ERC2: variants seen among roughly 807,000 people sequenced by gnomAD.
The protein encoded by ERC2 is ERC protein 2.
Under a neutral mutation model 114.8 loss-of-function variants are expected in ERC2, and 42 were observed. That is an observed-to-expected ratio of 0.37 (90% CI 0.29 to 0.47). The LOEUF (loss-of-function observed/expected upper bound fraction) is 0.47, where lower values mean the gene tolerates loss of function less well. Among genes scored for constraint, ERC2 ranks in the 20% least tolerant of loss-of-function variants. ERC2 has a pLI of 0.99. For missense variants in ERC2, 939 were observed against 1,150.7 expected (o/e 0.82, Z 2.66); for synonymous variants, 454 against 425.5 (o/e 1.07, Z -0.82).
intron 2 of ERC2, among the ~76,000 whole-genome samples, chr3:56,385,615 T>G (rs1007926763): frequency 1.3e-5 from 2 of 152,162 alleles, no homozygotes; most frequent in Admixed American, 1.3e-4. Flanking sequence ...TATTGAAATC[T>G]CTACATAAAA....
intron 7 of ERC2, among the ~76,000 whole-genome samples, chr3:56,043,612 A>C (rs936820253): frequency 1.3e-5 from 2 of 152,214 alleles, no homozygotes; most frequent in Non-Finnish European, 2.9e-5. Context: ...AACCACATGC[A>C]AATGACTGAT....
intron 2 of ERC2, among the ~76,000 whole-genome samples, chr3:56,389,326 C>T (rs1195284858): frequency 6.6e-6 from 1 of 152,102 alleles, no homozygotes; most frequent in Admixed American, 6.6e-5. Context: ...CAGAGAAAAG[C>T]CAGACTCACT....
In ERC2 at chr3:55,866,294, A is replaced by G. The variant is rs145705302; in HGVS notation, c.2564+22095T>C. On this transcript the variant is annotated intron_variant, in intron 14 of 17. Coordinates refer to ENST00000288221, the MANE Select transcript of ERC2 (RefSeq NM_015576.3). ...TATTCAAATCCCTTGCCCATTATAA[A>G]ATAAGGTTATTTGAGTTTTTATTGT... is the stretch of plus-strand genomic sequence containing the variant. 3.6e-3 allele frequency among the ~76,000 whole-genome samples: 546 copies of G among 152,298 alleles called. 3 individuals carry two copies. Among genetic ancestry groups the G allele is most frequent in the African/African-American group, 0.012 (517 of 41,578 alleles).
chr3:56,031,855 G>A (rs1333130056), intron 7 of ERC2, among the ~76,000 whole-genome samples: 1 of 152,160 alleles, frequency 6.6e-6, no homozygotes, highest in Non-Finnish European at 1.5e-5. Context: ...ATTCCACTGG[G>A]ATTTTTGGTA....
At chr3:56,257,888 C>T (rs2052626541) in intron 3 of ERC2, among the ~76,000 whole-genome samples, 2 of 152,198 alleles carry the variant, frequency 1.3e-5, no homozygotes, top group African/African-American at 2.4e-5. Context: ...TTGGAGACAT[C>T]ATGTCACAGT....
intron 3 of ERC2, among the ~76,000 whole-genome samples, chr3:56,280,313 G>C (rs1280195938): frequency 2.6e-5 from 4 of 152,174 alleles, no homozygotes; most frequent in Non-Finnish European, 4.4e-5. Flanking sequence ...TCACACTTCT[G>C]ATCCCCAGGA....
At chr3:56,285,161 G>A (rs971128502) in intron 3 of ERC2, among the ~76,000 whole-genome samples, 2 of 146,610 alleles carry the variant, frequency 1.4e-5, no homozygotes, top group South Asian at 2.2e-4. Context: ...GTCAGACTCC[G>A]GGTGAAGAAG....
intron 17 of ERC2, among the ~76,000 whole-genome samples, chr3:55,551,778 G>A (rs553175869): frequency 6.6e-5 from 10 of 152,168 alleles, no homozygotes; most frequent in South Asian, 2.1e-4. Flanking sequence ...TGCTAAACTC[G>A]TCCAAAAAAA....
intron 17 of ERC2, among the ~76,000 whole-genome samples, chr3:55,654,284 T>C (rs987475264): frequency 1.2e-4 from 18 of 152,348 alleles, no homozygotes; most frequent in Non-Finnish European, 2.5e-4. Flanking sequence ...GAAGGTGCAC[T>C]GTCTGTCCTA....
intron 17 of ERC2, among the ~76,000 whole-genome samples, chr3:55,513,012 T>G (rs1335574606): frequency 6.6e-6 from 1 of 152,238 alleles, no homozygotes; most frequent in Non-Finnish European, 1.5e-5. Context: ...CTTCCAGCAA[T>G]GAGCCAATCT....
intron 2 of ERC2, among the ~76,000 whole-genome samples, chr3:56,408,933 G>A (rs6809729): frequency 0.39 from 58,966 of 152,144 alleles, 11,942 homozygotes; most frequent in Admixed American, 0.5. Context: ...CCAGGAGTTG[G>A]GAGTGGTCAA....
At position 56,434,905 on chromosome 3, in the gene ERC2, C is replaced by A. The variant is rs752537322; in HGVS notation, c.103G>T (p.Gly35Trp). 1.2e-6 allele frequency: 2 copies of A among 1,613,860 alleles called. No homozygotes were observed. The highest frequency in any genetic ancestry group is 1.7e-5 in the Admixed American group (1 of 60,018). ...PRLGHRRTSSGGGGGTGKTLS... is the reference protein window; with the variant it reads ...PRLGHRRTSSWGGGGTGKTLS... ...GTCTTGCCTGTTCCTCCACCTCCCC[C>A]ACTACTTGTTCTTCGGTGGCCCAAA... The change falls in exon 2 of 18, where the codon GGG (glycine) becomes TGG (tryptophan). Residue 35 changes from glycine to tryptophan, a missense_variant. Coordinates refer to ENST00000288221, the MANE Select transcript of ERC2 (RefSeq NM_015576.3).
intron 17 of ERC2, among the ~76,000 whole-genome samples, chr3:55,574,745 A>AT (rs2056888662): frequency 6.6e-6 from 1 of 152,186 alleles, no homozygotes; most frequent in South Asian, 2.1e-4. Flanking sequence ...AGAAGGCTCG[A>AT]GTTGATCACT....
At chr3:55,993,680 C>CAAA (rs138895783) in intron 10 of ERC2, among the ~76,000 whole-genome samples, 4 of 145,524 alleles carry the variant, frequency 2.7e-5, no homozygotes, top group Admixed American at 2.7e-4. Context: ...CTCAATTACA[C>CAAA]AAAAAAAAAA....
intron 12 of ERC2, among the ~76,000 whole-genome samples, chr3:55,973,057 C>T (rs1253309870): frequency 1.3e-5 from 2 of 152,140 alleles, no homozygotes; most frequent in Admixed American, 6.5e-5. Flanking sequence ...CTTATAAAGC[C>T]AGGAGGTGGA....
intron 2 of ERC2, among the ~76,000 whole-genome samples, chr3:56,416,580 C>G (rs761192769): frequency 6.6e-6 from 1 of 150,630 alleles, no homozygotes; most frequent in East Asian, 1.9e-4. Flanking sequence ...ACCACAAGAA[C>G]GCAAATTCCA....
chr3:56,055,780 C>G (rs760447063), intron 7 of ERC2, among the ~76,000 whole-genome samples: 1 of 152,176 alleles, frequency 6.6e-6, no homozygotes, highest in Non-Finnish European at 1.5e-5. Context: ...CTTGGCCAAT[C>G]CCACTCTCAG....
At chr3:56,059,385 G>A (rs563917322) in intron 7 of ERC2, among the ~76,000 whole-genome samples, 14 of 152,148 alleles carry the variant, frequency 9.2e-5, no homozygotes, top group African/African-American at 3.4e-4. Flanking sequence ...CACCGTGCCC[G>A]GCCACATAGA....
intron 6 of ERC2, among the ~76,000 whole-genome samples, chr3:56,098,536 T>C (rs1166576003): frequency 1.3e-5 from 2 of 152,314 alleles, no homozygotes; most frequent in Non-Finnish European, 2.9e-5. Context: ...AAGCTTGAAT[T>C]CCTTGGCCTC....
Sources: allele counts gnomAD v4.1 joint callset (sites outside exome capture counted in the v4.1 genomes callset), GRCh38; gene constraint gnomAD v4.1.1; transcripts MANE v1.5; gene names NCBI Gene and HGNC (gene_info 2026-07-23, HGNC 2026-07-21).